Variants in LRP11 observed in about 807,000 individuals in gnomAD.
The protein encoded by LRP11 is low-density lipoprotein receptor-related protein 11.
Under a neutral mutation model 43.1 loss-of-function variants are expected in LRP11, and 25 were observed. The observed-to-expected ratio is 0.58, with a 90% confidence interval of 0.42 to 0.81. The LOEUF (loss-of-function observed/expected upper bound fraction) is 0.81, where lower values mean the gene tolerates loss of function less well. Among genes scored for constraint, LRP11 ranks in the 30% least tolerant of loss-of-function variants. The probability of loss-of-function intolerance (pLI) is 0.00; values close to 1 mark genes in which losing one functional copy is unlikely to be tolerated. For synonymous variants in LRP11, 316 were observed against 299.4 expected, an observed-to-expected ratio of 1.06 and a Z score of -0.57; for missense variants, 623 against 665.1, an observed-to-expected ratio of 0.94 and a Z score of 0.70.
chr6:149,837,529 A>C (rs761640161), intron 3 of LRP11, 66 bp from the exon 4 acceptor site: 37 of 1,542,180 alleles, frequency 2.4e-5, no homozygotes, highest in Non-Finnish European at 3.1e-5. Context: ...GGGGATGACA[A>C]AGGGGAGTCC....
chr6:149,819,275 T>G lies in LRP11; in HGVS notation c.*1274A>C, dbSNP rs1333246159. ...TAAAGCGTACTAGATTCTGGAGTGT[T>G]TTTCAAATATTTTAAAATATTTGCC... On this transcript the variant is annotated 3_prime_UTR_variant, in exon 7 of 7. Transcript: ENST00000239367. 6.6e-6 allele frequency: 1 copy of G among 152,128 alleles called. No individual in the cohort carries two copies. Among genetic ancestry groups the G allele is most frequent in the Non-Finnish European group, 1.5e-5 (1 of 68,024 alleles). The allele number at this position is 152,128 out of a possible 1,614,324, so 9.4% of individuals were successfully genotyped here.
At chr6:149,858,608 T>C (rs933296379) in intron 1 of LRP11, among the ~76,000 whole-genome samples, 4 of 152,214 alleles carry the variant, frequency 2.6e-5, no homozygotes, top group Admixed American at 2.0e-4. Context: ...ATCCTTCCAC[T>C]ATACTTCGAG....
intron 3 of LRP11, among the ~76,000 whole-genome samples, chr6:149,837,725 A>T (rs924901793): frequency 6.6e-6 from 1 of 152,190 alleles, no homozygotes; most frequent in Non-Finnish European, 1.5e-5. Flanking sequence ...GAGGTGGCAC[A>T]CAGAAGCAAC....
chr6:149,842,800 G>A (rs1045319904), intron 3 of LRP11, 183 bp downstream of exon 3: 32 of 1,216,906 alleles, frequency 2.6e-5, no homozygotes, highest in African/African-American at 2.0e-4. Flanking sequence ...CAGTAGCATC[G>A]GCTAAGCCCA....
chr6:149,859,645 G>A (rs990617267), intron 1 of LRP11, among the ~76,000 whole-genome samples: 1 of 151,636 alleles, frequency 6.6e-6, no homozygotes. Context: ...ATCCACCTGC[G>A]TTGGCCTCCC....
chr6:149,846,437 C>G (rs1308578592), intron 2 of LRP11, among the ~76,000 whole-genome samples: 2 of 152,202 alleles, frequency 1.3e-5, no homozygotes, highest in African/African-American at 4.8e-5. Flanking sequence ...TCTGTCCCAG[C>G]TGCTCCGCCT....
intron 2 of LRP11, among the ~76,000 whole-genome samples, chr6:149,847,163 C>T (rs1458270059): frequency 6.6e-6 from 1 of 152,178 alleles, no homozygotes; most frequent in African/African-American, 2.4e-5. Context: ...AGACTAAACT[C>T]TGCAGGCCTG....
chr6:149,853,203 T>C, intron 1 of LRP11, 43 bp from the exon 2 acceptor site: 1 of 1,477,776 alleles, frequency 6.8e-7, no homozygotes, highest in Non-Finnish European at 9.0e-7. Context: ...GATTTCTTAT[T>C]TTTTCTAATT....
chr6:149,846,128 C>T (rs1269323416), intron 2 of LRP11, among the ~76,000 whole-genome samples: 1 of 152,150 alleles, frequency 6.6e-6, no homozygotes, highest in Non-Finnish European at 1.5e-5. Context: ...TCAGTTATGG[C>T]CTCTTCCCAT....
chr6:149,864,217 A>C lies in LRP11; in HGVS notation c.-197T>G. 1.8e-6 allele frequency: 2 copies of C among 1,109,732 alleles called. No homozygotes were observed. The highest frequency in any genetic ancestry group is 2.2e-6 in the Non-Finnish European group (2 of 911,466). The allele number at this position is 1,109,732 out of a possible 1,614,324, so 68.7% of individuals were successfully genotyped here. A position where few individuals can be genotyped will look rare whatever the true frequency, so the allele number is the denominator to read the frequency against. ...CCGGCGGGAACCGCAGTAGCGGGAGACATAGCCGGCCCAGCCGGGCACCGC... is the reference window on the plus strand; with the variant it reads ...CCGGCGGGAACCGCAGTAGCGGGAGCCATAGCCGGCCCAGCCGGGCACCGC... On this transcript the variant is annotated 5_prime_UTR_variant, in exon 1 of 7. Coordinates refer to ENST00000239367, the MANE Select transcript of LRP11 (RefSeq NM_032832.6).
chr6:149,848,863 C>T (rs190558609), intron 2 of LRP11, among the ~76,000 whole-genome samples: 2 of 152,122 alleles, frequency 1.3e-5, no homozygotes, highest in Admixed American at 6.5e-5. Context: ...CAAACCTGCA[C>T]ATGTACCCCT....
chr6:149,861,621 C>T (rs1776897852), intron 1 of LRP11, among the ~76,000 whole-genome samples: 1 of 152,206 alleles, frequency 6.6e-6, no homozygotes, highest in Non-Finnish European at 1.5e-5. Flanking sequence ...TCAAGCGATT[C>T]TCCTGCCTCA....
rs1049537718 is a variant in LRP11, at chr6:149,850,187, T to G, written c.771+2816A>C. Among the ~76,000 whole-genome samples the G allele has an allele frequency of 1.5e-4, 23 of 152,208 alleles. 1 individual carries two copies. The highest frequency in any genetic ancestry group is 3.4e-4 in the Non-Finnish European group (23 of 68,036). ...ACAGGTTTTAACTTAACTATTTTGC[T>G]GTGTGACTGCCCTCCCTCTATTCTC... On this transcript the variant is annotated intron_variant, in intron 2 of 6. Coordinates refer to ENST00000239367, the MANE Select transcript of LRP11 (RefSeq NM_032832.6).
At chr6:149,844,397 G>T (rs1776601033) in intron 2 of LRP11, among the ~76,000 whole-genome samples, 1 of 152,144 alleles carries the variant, frequency 6.6e-6, no homozygotes, top group Non-Finnish European at 1.5e-5. Flanking sequence ...GCCCTCCTGG[G>T]CTTCAGTTCT....
chr6:149,842,837 T>C lies in LRP11; in HGVS notation c.913+146A>G, dbSNP rs993930384. 7 of 1,201,040 alleles carry C rather than the reference T, an allele frequency of 5.8e-6. No individual in the cohort carries two copies. The South Asian group carries it at 9.0e-5, about 15-fold the overall frequency. 74.4% of individuals were successfully genotyped at this position (1,201,040 alleles called of 1,614,324 possible). ...AACAGAAGAGAGCCTGCTTTTGTTATTGTGTTTTTAGCAAAGACTCTCTCA... is the reference window on the plus strand; with the variant it reads ...AACAGAAGAGAGCCTGCTTTTGTTACTGTGTTTTTAGCAAAGACTCTCTCA... On this transcript the variant is annotated intron_variant, in intron 3 of 6. Transcript: ENST00000239367.
rs913611938 is a variant in LRP11 at position 149,863,557 on chromosome 6, G to A, written c.464C>T (p.Ala155Val). The A allele has an allele frequency of 1.5e-6, 2 of 1,376,688 alleles. No homozygotes were observed. Among genetic ancestry groups the A allele is most frequent in the African/African-American group, 1.5e-5 (1 of 65,714 alleles). 85.3% of individuals were successfully genotyped at this position (1,376,688 alleles called of 1,614,324 possible). Residue 155 changes from alanine (A) to valine (V), a missense_variant, in exon 1 of 7, where the codon GCA becomes GTA. Ala to Val is a moderately conservative substitution (Grantham distance 64). Coordinates refer to ENST00000239367, the MANE Select transcript of LRP11 (RefSeq NM_032832.6). ...VELPRRPAPP[A>V]AVLGCYLFNC... Reference sequence around the variant, plus strand: ...GAAGAGGTAGCAGCCGAGCACGGCTGCCGGGGGCGCGGGGCGCCGGGGCAG... The same window carrying A: ...GAAGAGGTAGCAGCCGAGCACGGCTACCGGGGGCGCGGGGCGCCGGGGCAG...
At chr6:149,852,823 A>G (rs1223824531) in intron 2 of LRP11, among the ~76,000 whole-genome samples, 180 bp downstream of exon 2, 1 of 151,986 alleles carries the variant, frequency 6.6e-6, no homozygotes, top group African/African-American at 2.4e-5. Context: ...ATTGCTGCTC[A>G]CTCTCAGCAG....
At chr6:149,834,052 G>C (rs1355464113) in intron 5 of LRP11, among the ~76,000 whole-genome samples, 1 of 152,102 alleles carries the variant, frequency 6.6e-6, no homozygotes. Context: ...ACAGGCCCCA[G>C]TGTGTGTTGT....
intron 1 of LRP11, among the ~76,000 whole-genome samples, chr6:149,859,933 C>T (rs1776866651): frequency 6.6e-6 from 1 of 151,838 alleles, no homozygotes; most frequent in Non-Finnish European, 1.5e-5. Context: ...TTCTTTAATC[C>T]ATCTGGAATT....
Sources: allele counts gnomAD v4.1 joint callset (sites outside exome capture counted in the v4.1 genomes callset), GRCh38; gene constraint gnomAD v4.1.1; transcripts MANE v1.5; gene names NCBI Gene and HGNC (gene_info 2026-07-23, HGNC 2026-07-21).